Variants in MARCHF1 observed in about 807,000 individuals in gnomAD.
MARCHF1 encodes the protein membrane associated ring-CH-type finger 1.
In MARCHF1, 40 loss-of-function variants were observed where a neutral mutation model predicts 54.2. The ratio of observed to expected loss-of-function variants is 0.74; its 90% CI spans 0.57 to 0.96. MARCHF1 has a LOEUF of 0.96. Ranked by LOEUF, MARCHF1 falls within the 40% of genes least tolerant of loss-of-function variation. MARCHF1 has a pLI of 0.00. For missense variants in MARCHF1, 586 were observed against 656.5 expected, an observed-to-expected ratio of 0.89 and a Z score of 1.17; for synonymous variants, 236 against 236.3, an observed-to-expected ratio of 1.00 and a Z score of 0.01.
At chr4:163,641,017 GT>G (rs1315133490) in intron 5 of MARCHF1, among the ~76,000 whole-genome samples, 1 of 150,654 alleles carries the variant, frequency 6.6e-6, no homozygotes, top group Non-Finnish European at 1.5e-5. Context: ...TATAAATTCT[GT>G]TTTTTTATGA....
At chr4:163,966,447 A>G (rs891312835) in intron 3 of MARCHF1, among the ~76,000 whole-genome samples, 4 of 152,134 alleles carry the variant, frequency 2.6e-5, no homozygotes, top group African/African-American at 7.2e-5. Context: ...CAGTAAACAT[A>G]TAATGAACAT....
intron 1 of MARCHF1, among the ~76,000 whole-genome samples, chr4:164,166,546 C>T (rs921566159): frequency 2.0e-5 from 3 of 151,892 alleles, no homozygotes; most frequent in African/African-American, 7.2e-5. Flanking sequence ...ACATTATAAT[C>T]AGTGGAGAAC....
At chr4:164,015,913 A>AT (rs915591625) in intron 2 of MARCHF1, among the ~76,000 whole-genome samples, 2 of 151,974 alleles carry the variant, frequency 1.3e-5, no homozygotes, top group Non-Finnish European at 2.9e-5. Flanking sequence ...AAAAAAAAAA[A>AT]ACTAAAAACA....
chr4:164,058,219 A>G (rs1754537542), intron 2 of MARCHF1, among the ~76,000 whole-genome samples: 1 of 152,174 alleles, frequency 6.6e-6, no homozygotes. Context: ...TTGTATACCT[A>G]TGGAACAAAC....
At chr4:164,071,449 AAT>A (rs1402436828) in intron 2 of MARCHF1, among the ~76,000 whole-genome samples, 2 of 152,184 alleles carry the variant, frequency 1.3e-5, no homozygotes. Context: ...TAGTGATTAA[AAT>A]ATGATACTTT....
At chr4:164,362,714 A>G (rs900354069) in intron 1 of MARCHF1, among the ~76,000 whole-genome samples, 5 of 152,320 alleles carry the variant, frequency 3.3e-5, no homozygotes, top group Admixed American at 6.5e-5. Flanking sequence ...GGGAATTTGC[A>G]TAACAATTTT....
At chr4:164,319,851 G>C (rs1223815505) in intron 1 of MARCHF1, among the ~76,000 whole-genome samples, 1 of 152,020 alleles carries the variant, frequency 6.6e-6, no homozygotes, top group Non-Finnish European at 1.5e-5. Context: ...ATGCAAAAAT[G>C]TATGCATAGT....
chr4:164,153,264 T>C (rs998228922), intron 1 of MARCHF1, among the ~76,000 whole-genome samples: 2 of 152,160 alleles, frequency 1.3e-5, no homozygotes, highest in Admixed American at 1.3e-4. Flanking sequence ...GATTTTACAA[T>C]TCTGTTAATT....
intron 7 of MARCHF1, among the ~76,000 whole-genome samples, chr4:163,592,464 T>G (rs1740622757): frequency 6.6e-6 from 1 of 151,740 alleles, no homozygotes; most frequent in South Asian, 2.1e-4. Context: ...GTCCCTGGCT[T>G]TCCTAACTCT....
In MARCHF1 at chr4:164,297,022, CAG is replaced by C. The variant is rs538938539; in HGVS notation, c.-323+86846_-323+86847del. Among the ~76,000 whole-genome samples the C allele has an allele frequency of 1.8e-3, 271 of 152,284 alleles. 1 individual carries two copies. Among genetic ancestry groups the C allele is most frequent in the African/African-American group, 6.4e-3 (265 of 41,560 alleles). ...AATGGTCAAGTTGCTTAATCTCTGA[CAG>C]AGTTTCCATACCGTTAAAATAAAAT... On this transcript the variant is annotated intron_variant, in intron 1 of 9. Transcript: ENST00000514618.
intron 4 of MARCHF1, among the ~76,000 whole-genome samples, chr4:163,790,553 C>A (rs112495454): frequency 0.016 from 2,503 of 152,154 alleles, 69 homozygotes; most frequent in African/African-American, 0.057. Context: ...ACCTGCATTT[C>A]ACAGTAAAAT....
At chr4:163,785,330 C>T (rs1561076309) in intron 4 of MARCHF1, among the ~76,000 whole-genome samples, 1 of 152,038 alleles carries the variant, frequency 6.6e-6, no homozygotes, top group Non-Finnish European at 1.5e-5. Context: ...TACCAATGTC[C>T]ACAGTTCACT....
intron 1 of MARCHF1, among the ~76,000 whole-genome samples, chr4:164,341,644 T>C (rs563981257): frequency 6.6e-6 from 1 of 152,254 alleles, no homozygotes; most frequent in Non-Finnish European, 1.5e-5. Flanking sequence ...TGTCATCATG[T>C]GGTGGAAGGG....
At chr4:164,269,838 C>G (rs1235629263) in intron 1 of MARCHF1, among the ~76,000 whole-genome samples, 2 of 152,052 alleles carry the variant, frequency 1.3e-5, no homozygotes, top group African/African-American at 4.8e-5. Context: ...TTTTCTACAT[C>G]TTCTTCACTC....
At chr4:163,936,901 G>A (rs1173759314) in intron 3 of MARCHF1, among the ~76,000 whole-genome samples, 5 of 152,008 alleles carry the variant, frequency 3.3e-5, no homozygotes, top group African/African-American at 1.2e-4. Flanking sequence ...AGTGGCTTTG[G>A]GACACAGTTC....
At chr4:163,779,272 A>T (rs1481330804) in intron 4 of MARCHF1, among the ~76,000 whole-genome samples, 1 of 152,196 alleles carries the variant, frequency 6.6e-6, no homozygotes, top group Non-Finnish European at 1.5e-5. Context: ...TCACACAATG[A>T]TATAAAAAAT....
At chr4:163,924,453 T>A (rs926302414) in intron 3 of MARCHF1, among the ~76,000 whole-genome samples, 1 of 152,046 alleles carries the variant, frequency 6.6e-6, no homozygotes, top group African/African-American at 2.4e-5. Context: ...ACAAGTCTTA[T>A]AGAACAAGGA....
chr4:164,104,964 A>C (rs1337883820), intron 2 of MARCHF1, among the ~76,000 whole-genome samples: 1 of 57,808 alleles, frequency 1.7e-5, no homozygotes, highest in African/African-American at 4.3e-5. Flanking sequence ...ATTCTTATAC[A>C]CCAACAACAG....
At chr4:164,256,825 T>C (rs937782748) in intron 1 of MARCHF1, among the ~76,000 whole-genome samples, 1 of 152,216 alleles carries the variant, frequency 6.6e-6, no homozygotes, top group African/African-American at 2.4e-5. Flanking sequence ...CATAAACTGG[T>C]ACAGTCCATT....
Sources: gnomAD v4.1 joint callset for allele counts (sites outside exome capture counted in the v4.1 genomes callset) on GRCh38, gnomAD v4.1.1 for gene constraint, MANE v1.5 for transcripts, NCBI Gene and HGNC (gene_info 2026-07-23, HGNC 2026-07-21) for gene names.